UACA: variants seen among roughly 807,000 people sequenced by gnomAD.
UACA encodes uveal autoantigen with coiled-coil domains and ankyrin repeats.
Under a neutral mutation model 160.5 loss-of-function variants are expected in UACA, and 112 were observed. That is an observed-to-expected ratio of 0.70 (90% CI 0.60 to 0.82). The LOEUF (loss-of-function observed/expected upper bound fraction) is 0.82, where lower values mean the gene tolerates loss of function less well. Ranked by LOEUF, UACA falls within the 40% of genes least tolerant of loss-of-function variation. The pLI, the probability that UACA is intolerant of heterozygous loss-of-function variation, is 0.00. For missense variants in UACA, 1,574 were observed against 1,614.6 expected (o/e 0.97, Z 0.43); for synonymous variants, 557 against 568.4 (o/e 0.98, Z 0.29).
At chr15:70,721,373 C>G (rs1333465237) in intron 1 of UACA, among the ~76,000 whole-genome samples, 1 of 152,174 alleles carries the variant, frequency 6.6e-6, no homozygotes, top group Non-Finnish European at 1.5e-5. Context: ...CGCCTGTAAT[C>G]CCAGCACTCT....
At chr15:70,694,396 T>TA (rs1021746935) in intron 3 of UACA, among the ~76,000 whole-genome samples, 1 of 152,020 alleles carries the variant, frequency 6.6e-6, no homozygotes, top group African/African-American at 2.4e-5. Flanking sequence ...CGATTCTCTA[T>TA]AAAAAATGAT....
chr15:70,751,059 C>T (rs968397842), intron 1 of UACA, among the ~76,000 whole-genome samples: 2 of 152,144 alleles, frequency 1.3e-5, no homozygotes, highest in East Asian at 1.9e-4. Flanking sequence ...TTTTAAAAGA[C>T]AGCAGCAGCA....
chr15:70,655,023 C>G lies in UACA; in HGVS notation c.*2033G>C, dbSNP rs1247268113. The G allele has an allele frequency of 1.3e-5, 2 of 152,176 alleles. No individual in the cohort carries two copies. Among genetic ancestry groups the G allele is most frequent in the South Asian group, 4.1e-4 (2 of 4,830 alleles). 9.4% of individuals were successfully genotyped at this position (152,176 alleles called of 1,614,324 possible). On this transcript the variant is annotated 3_prime_UTR_variant, in exon 19 of 19. Transcript: ENST00000322954. ...TTCTCCCTTGTACTTTGGAGTCCATCGTTTCCTACTCCCAATGCTCTCACA... is the reference window on the plus strand; with the variant it reads ...TTCTCCCTTGTACTTTGGAGTCCATGGTTTCCTACTCCCAATGCTCTCACA...
At chr15:70,672,084 G>T in intron 13 of UACA, 83 bp from the exon 14 acceptor site, 1 of 1,267,418 alleles carries the variant, frequency 7.9e-7, no homozygotes, top group Non-Finnish European at 1.1e-6. Flanking sequence ...TCTAAATCAT[G>T]CAGTCATTAA....
At chr15:70,725,676 T>C (rs1899122909) in intron 1 of UACA, among the ~76,000 whole-genome samples, 1 of 152,204 alleles carries the variant, frequency 6.6e-6, no homozygotes, top group African/African-American at 2.4e-5. Flanking sequence ...TAATAATATG[T>C]TTCCTATGTT....
chr15:70,674,778 C>T (rs1018677829), intron 13 of UACA, among the ~76,000 whole-genome samples: 4 of 151,950 alleles, frequency 2.6e-5, no homozygotes, highest in African/African-American at 4.8e-5. Context: ...TTGTATTTTT[C>T]GTAAAGACGG....
At chr15:70,682,684 C>T in intron 9 of UACA, 74 bp downstream of exon 9, 1 of 884,564 alleles carries the variant, frequency 1.1e-6, no homozygotes, top group Non-Finnish European at 1.6e-6. Context: ...GTTATGCTAA[C>T]TATTAACTAG....
intron 1 of UACA, among the ~76,000 whole-genome samples, chr15:70,744,554 G>A (rs1401092725): frequency 6.6e-6 from 1 of 152,210 alleles, no homozygotes; most frequent in East Asian, 1.9e-4. Context: ...GCTATTAATG[G>A]AATAAAAGCT....
intron 1 of UACA, among the ~76,000 whole-genome samples, chr15:70,755,296 C>CT (rs1419134174): frequency 1.3e-5 from 2 of 151,878 alleles, no homozygotes; most frequent in African/African-American, 4.8e-5. Flanking sequence ...GAAGATGAAA[C>CT]TTTCATGACT....
At chr15:70,716,435 T>C (rs915603030) in intron 1 of UACA, among the ~76,000 whole-genome samples, 1 of 152,150 alleles carries the variant, frequency 6.6e-6, no homozygotes, top group Non-Finnish European at 1.5e-5. Context: ...ACCTACGAAG[T>C]CATCAGCAAA....
intron 1 of UACA, among the ~76,000 whole-genome samples, chr15:70,711,499 A>T (rs998076907): frequency 4.2e-5 from 1 of 23,876 alleles, no homozygotes; most frequent in Admixed American, 1.4e-3. Flanking sequence ...ATCTCTACTA[A>T]AAAAAAAAAA....
intron 1 of UACA, among the ~76,000 whole-genome samples, chr15:70,725,646 A>G (rs912249649): frequency 2.6e-5 from 4 of 152,218 alleles, no homozygotes; most frequent in African/African-American, 9.6e-5. Flanking sequence ...CTAGGAAGGC[A>G]GATAGAACTG....
At chr15:70,661,362 T>G (rs1896700640) in intron 17 of UACA, 1 of 152,124 alleles carries the variant, frequency 6.6e-6, no homozygotes, top group Non-Finnish European at 1.5e-5. Flanking sequence ...CAGAACTCCT[T>G]GGGGACAGGA....
chr15:70,665,000 C>A, intron 16 of UACA, 186 bp from the exon 17 acceptor site: 1 of 442,108 alleles, frequency 2.3e-6, no homozygotes, highest in Non-Finnish European at 3.9e-6. Flanking sequence ...TTAAATCCCT[C>A]TCCAGAAATT....
intron 1 of UACA, among the ~76,000 whole-genome samples, chr15:70,757,288 GATT>G (rs2030487626): frequency 6.6e-6 from 1 of 152,286 alleles, no homozygotes; most frequent in African/African-American, 2.4e-5. Flanking sequence ...GCTAAAGGGT[GATT>G]ATTTTGGCAA....
At chr15:70,710,280 A>T (rs1358603690) in intron 1 of UACA, among the ~76,000 whole-genome samples, 3 of 152,104 alleles carry the variant, frequency 2.0e-5, no homozygotes, top group Non-Finnish European at 4.4e-5. Context: ...AATAAATAAA[A>T]AATAAATCTG....
intron 1 of UACA, among the ~76,000 whole-genome samples, chr15:70,727,033 T>C (rs147441467): frequency 1.7e-3 from 260 of 152,314 alleles, no homozygotes; most frequent in African/African-American, 5.8e-3. Flanking sequence ...ACATTCTTTT[T>C]TGCCTTCATC....
At chr15:70,704,316 T>C (rs1017593238) in intron 1 of UACA, among the ~76,000 whole-genome samples, 6 of 152,222 alleles carry the variant, frequency 3.9e-5, no homozygotes, top group Non-Finnish European at 7.3e-5. Flanking sequence ...CACATTCAGA[T>C]AACAAGTATC....
intron 18 of UACA, among the ~76,000 whole-genome samples, chr15:70,658,126 C>T (rs770094347): frequency 6.6e-6 from 1 of 152,082 alleles, no homozygotes; most frequent in Admixed American, 6.6e-5. Context: ...ATTTAAAAAA[C>T]CCATATTTAT....
Sources: allele counts gnomAD v4.1 joint callset (sites outside exome capture counted in the v4.1 genomes callset), GRCh38; gene constraint gnomAD v4.1.1; transcripts MANE v1.5; gene names NCBI Gene and HGNC (gene_info 2026-07-23, HGNC 2026-07-21).